Variants in LMBR1 observed in about 807,000 individuals in gnomAD.
LMBR1 encodes limb region 1 protein homolog.
LMBR1 carries 52 observed loss-of-function variants against 73.9 expected under a neutral mutation model. The observed-to-expected ratio is 0.70, with a 90% CI of 0.56 to 0.89. The LOEUF is 0.89. Ranked by LOEUF, LMBR1 falls within the 40% of genes least tolerant of loss-of-function variation. The pLI is 0.00. For synonymous variants in LMBR1, 215 were observed against 209.4 expected (o/e 1.03, Z -0.23); for missense variants, 539 against 579.8 (o/e 0.93, Z 0.72).
At chr7:156,745,809 C>A (rs993771863) in intron 9 of LMBR1, among the ~76,000 whole-genome samples, 1 of 152,184 alleles carries the variant, frequency 6.6e-6, no homozygotes, top group Non-Finnish European at 1.5e-5. Context: ...CAATCGAATA[C>A]CCTCTCTTTC....
intron 4 of LMBR1, among the ~76,000 whole-genome samples, chr7:156,798,926 G>T (rs1008150835): frequency 1.3e-5 from 2 of 151,880 alleles, no homozygotes; most frequent in Non-Finnish European, 2.9e-5. Flanking sequence ...GGGCATGGTG[G>T]CTCATACCTG....
At chr7:156,793,177 T>C (rs1829525088) in intron 5 of LMBR1, among the ~76,000 whole-genome samples, 1 of 152,230 alleles carries the variant, frequency 6.6e-6, no homozygotes, top group South Asian at 2.1e-4. Flanking sequence ...ACGAAGTTAA[T>C]TCTAATAAGC....
chr7:156,837,535 G>A (rs1279930498), intron 1 of LMBR1, among the ~76,000 whole-genome samples: 2 of 151,642 alleles, frequency 1.3e-5, no homozygotes, highest in Admixed American at 1.3e-4. Context: ...AAAGTCAACT[G>A]GAAACTACTA....
At chr7:156,885,827 G>C (rs756011275) in intron 1 of LMBR1, among the ~76,000 whole-genome samples, 2 of 151,942 alleles carry the variant, frequency 1.3e-5, no homozygotes, top group African/African-American at 4.8e-5. Context: ...ATCGTGAGCC[G>C]AGATTGTGCC....
At chr7:156,838,732 C>A (rs1838114810) in intron 1 of LMBR1, among the ~76,000 whole-genome samples, 1 of 152,026 alleles carries the variant, frequency 6.6e-6, no homozygotes, top group Non-Finnish European at 1.5e-5. Flanking sequence ...GGATATATAC[C>A]CAGCAGAAGT....
At position 156,739,734 on chromosome 7, in the gene LMBR1, G is replaced by A. The variant is rs542038672; in HGVS notation, c.758-5477C>T. ...AACCACAGCATTATTGGGCTTGAGGGCCGAGTTCCTTTGAATATCCGGAAA... is the reference window on the plus strand; with the variant it reads ...AACCACAGCATTATTGGGCTTGAGGACCGAGTTCCTTTGAATATCCGGAAA... On this transcript the variant is annotated intron_variant, in intron 9 of 16. Transcript: ENST00000353442. 5.9e-5 allele frequency among the ~76,000 whole-genome samples: 9 copies of A among 152,244 alleles called. No homozygotes were observed. In the South Asian group the frequency reaches 1.9e-3, roughly 32 times the overall value.
chr7:156,767,864 TAAA>T (rs533005614), intron 5 of LMBR1, among the ~76,000 whole-genome samples: 91 of 152,056 alleles, frequency 6.0e-4, no homozygotes, highest in African/African-American at 1.8e-3. Context: ...AAAGTGATAC[TAAA>T]AAAAGTGAAA....
intron 8 of LMBR1, among the ~76,000 whole-genome samples, chr7:156,757,011 T>G (rs1822014435): frequency 6.6e-6 from 1 of 152,162 alleles, no homozygotes; most frequent in African/African-American, 2.4e-5. Flanking sequence ...GAGACGGGTT[T>G]CACCGTGTTG....
intron 5 of LMBR1, among the ~76,000 whole-genome samples, chr7:156,786,534 C>T (rs1047433367): frequency 1.3e-5 from 2 of 152,100 alleles, no homozygotes; most frequent in Admixed American, 6.6e-5. Context: ...TAGATCTTTG[C>T]AAAACTCAAG....
chr7:156,872,863 C>T (rs1293948560), intron 1 of LMBR1, among the ~76,000 whole-genome samples: 2 of 152,104 alleles, frequency 1.3e-5, no homozygotes, highest in East Asian at 1.9e-4. Flanking sequence ...TGCAGGAAAG[C>T]CTAGAGAACC....
chr7:156,874,450 A>G (rs1366438826), intron 1 of LMBR1, among the ~76,000 whole-genome samples: 3 of 152,202 alleles, frequency 2.0e-5, no homozygotes, highest in African/African-American at 7.2e-5. Context: ...AGGGGCTCCC[A>G]CAGTGCAGCG....
intron 15 of LMBR1, among the ~76,000 whole-genome samples, chr7:156,711,842 A>T (rs1585315489): frequency 1.3e-5 from 2 of 152,200 alleles, no homozygotes; most frequent in African/African-American, 4.8e-5. Context: ...CCATATATAA[A>T]AATCAACTCA....
intron 1 of LMBR1, among the ~76,000 whole-genome samples, chr7:156,888,680 G>A (rs977927122): frequency 6.6e-6 from 1 of 152,304 alleles, no homozygotes; most frequent in East Asian, 1.9e-4. Flanking sequence ...CACTTTGGGA[G>A]GCCAGGGTGG....
chr7:156,677,361 C>T (rs182997582), downstream of LMBR1, among the ~76,000 whole-genome samples: 10 of 152,248 alleles, frequency 6.6e-5, no homozygotes, highest in Non-Finnish European at 5.9e-5. Flanking sequence ...TCTGAGGTGT[C>T]CAACCCATGT....
intron 9 of LMBR1, among the ~76,000 whole-genome samples, chr7:156,755,747 T>G (rs1411756917): frequency 2.0e-5 from 3 of 152,154 alleles, no homozygotes; most frequent in African/African-American, 7.2e-5. Flanking sequence ...CTGACAAGAA[T>G]CCTCTAGAAC....
At chr7:156,804,611 AC>A (rs1176778437) in intron 4 of LMBR1, among the ~76,000 whole-genome samples, 1 of 152,192 alleles carries the variant, frequency 6.6e-6, no homozygotes, top group Non-Finnish European at 1.5e-5. Flanking sequence ...AATGATGTGA[AC>A]ATCTGTTCAT....
At chr7:156,859,947 G>C (rs543238687) in intron 1 of LMBR1, among the ~76,000 whole-genome samples, 2 of 152,118 alleles carry the variant, frequency 1.3e-5, no homozygotes, top group Middle Eastern at 3.2e-3. Flanking sequence ...AATAGAAAAA[G>C]ATCAATGGAA....
chr7:156,873,035 G>C (rs1374728920), intron 1 of LMBR1, among the ~76,000 whole-genome samples: 2 of 151,482 alleles, frequency 1.3e-5, no homozygotes, highest in Non-Finnish European at 2.9e-5. Context: ...GGCACGTCTG[G>C]AGTCTGTCCC....
chr7:156,725,589 C>T, intron 13 of LMBR1, 64 bp from the exon 14 acceptor site: 3 of 1,337,290 alleles, frequency 2.2e-6, no homozygotes, highest in Non-Finnish European at 3.1e-6. Flanking sequence ...TCGGCAGTCT[C>T]CAAAAAGTCT....
Sources: allele counts gnomAD v4.1 joint callset (sites outside exome capture counted in the v4.1 genomes callset), GRCh38; gene constraint gnomAD v4.1.1; transcripts MANE v1.5; gene names NCBI Gene and HGNC (gene_info 2026-07-23, HGNC 2026-07-21).